Variants in MMS19 observed in about 807,000 individuals in gnomAD.
MMS19 encodes MMS19 nucleotide excision repair protein homolog.
In MMS19, 77 loss-of-function variants were observed where a neutral mutation model predicts 129.8. That is an observed-to-expected ratio of 0.59 (90% CI 0.49 to 0.72). The LOEUF is 0.72. MMS19 is among the 30% of genes least tolerant of loss of function. MMS19 has a pLI of 0.00. For missense variants in MMS19, 1,168 were observed against 1,266.3 expected (o/e 0.92, Z 1.18); for synonymous variants, 491 against 502.8 (o/e 0.98, Z 0.31).
chr10:97,476,944 A>G lies in MMS19; in HGVS notation c.513T>C (p.Ala171=). The G allele has an allele frequency of 1.9e-6, 3 of 1,613,870 alleles. No individual in the cohort carries two copies. The highest frequency in any genetic ancestry group is 2.5e-6 in the Non-Finnish European group (3 of 1,179,776). ...CCTGGATGAAGCCAAAGGTGAAGTC[A>G]GCTCCTAGGCTCTTTAGCTCTGGGA... ...TREEELKSLG[A]DFTFGFIQVM... Residue 171 remains alanine, a synonymous_variant, in exon 7 of 31, where the codon GCT becomes GCC. Transcript: ENST00000438925.
At chr10:97,497,778 C>G (rs556804029) in intron 1 of MMS19, among the ~76,000 whole-genome samples, 2 of 152,340 alleles carry the variant, frequency 1.3e-5, no homozygotes, top group East Asian at 3.9e-4. Context: ...CCTCCTGGCC[C>G]GTCTCCTCAA....
intron 1 of MMS19, among the ~76,000 whole-genome samples, chr10:97,495,914 T>C (rs1456226101): frequency 6.6e-6 from 1 of 152,214 alleles, no homozygotes; most frequent in East Asian, 1.9e-4. Flanking sequence ...CCTGAGTAGC[T>C]GGGATTACAG....
At chr10:97,485,473 T>C (rs547164978) in intron 1 of MMS19, among the ~76,000 whole-genome samples, 4 of 152,176 alleles carry the variant, frequency 2.6e-5, no homozygotes, top group Non-Finnish European at 5.9e-5. Flanking sequence ...CCACCACGCC[T>C]GGCTAATTTT....
chr10:97,460,507 G>C (rs2031486281), intron 25 of MMS19, among the ~76,000 whole-genome samples, 188 bp downstream of exon 25: 1 of 152,198 alleles, frequency 6.6e-6, no homozygotes, highest in African/African-American at 2.4e-5. Context: ...CGGAGGTTGA[G>C]GCTGGAGTGA....
chr10:97,462,236 G>GC, intron 20 of MMS19, 117 bp from the exon 21 acceptor site: 1 of 703,806 alleles, frequency 1.4e-6, no homozygotes, highest in South Asian at 1.7e-5. Context: ...AATGGGACAT[G>GC]CCCTGATCAT....
chr10:97,461,748 A>G, intron 22 of MMS19, 80 bp downstream of exon 22: 1 of 1,549,320 alleles, frequency 6.5e-7, no homozygotes, highest in Non-Finnish European at 8.8e-7. Flanking sequence ...GTAAAAGATC[A>G]GCTTAGCCTG....
At chr10:97,461,993 G>T in intron 21 of MMS19, 24 bp downstream of exon 21, 1 of 1,573,060 alleles carries the variant, frequency 6.4e-7, no homozygotes, top group Non-Finnish European at 8.6e-7. Flanking sequence ...CCAGCTTGAA[G>T]GATGTAAGTT....
chr10:97,481,412 G>T (rs1440212058), intron 2 of MMS19, among the ~76,000 whole-genome samples: 4 of 152,158 alleles, frequency 2.6e-5, no homozygotes, highest in Admixed American at 6.6e-5. Flanking sequence ...CTACCCACAG[G>T]GTTTGAGAGA....
rs1383317690 is a variant in MMS19, at chr10:97,459,018, G to A, written c.2965-118C>T. 1.5e-5 allele frequency: 16 copies of A among 1,099,096 alleles called. No homozygotes were observed. In the Middle Eastern group the frequency reaches 9.0e-4, roughly 62 times the overall value. The allele number at this position is 1,099,096 out of a possible 1,614,324, so 68.1% of individuals were successfully genotyped here. The stretch of plus-strand genomic sequence containing the variant: ...GCAAAACATCTTTAGTGATTCCAAG[G>A]GATGTTAAGTGGCAGGATGGCCTTT... On this transcript the variant is annotated intron_variant, in intron 29 of 30. Coordinates refer to ENST00000438925, the MANE Select transcript of MMS19 (RefSeq NM_022362.5).
intron 8 of MMS19, among the ~76,000 whole-genome samples, chr10:97,472,193 C>T (rs1159568713): frequency 6.6e-6 from 1 of 152,156 alleles, no homozygotes; most frequent in East Asian, 1.9e-4. Flanking sequence ...GTTTATGAAA[C>T]AGAAGAAATT....
chr10:97,477,632 T>G (rs1351537429), intron 5 of MMS19, among the ~76,000 whole-genome samples: 1 of 152,218 alleles, frequency 6.6e-6, no homozygotes, highest in Non-Finnish European at 1.5e-5. Flanking sequence ...GATGCCTTAC[T>G]TTCTGTAGGT....
Position 97,458,379 on chromosome 10 carries a change from C to G in MMS19, c.*313G>C, listed in dbSNP as rs991481050. On this transcript the variant is annotated 3_prime_UTR_variant, in exon 31 of 31. Coordinates refer to ENST00000438925, the MANE Select transcript of MMS19 (RefSeq NM_022362.5). Reference sequence around the variant, plus strand: ...GTAGACAACATCTGCCAGCCCTGGTCCTCAGGGCCACACTCATATGCACTC... The same window carrying G: ...GTAGACAACATCTGCCAGCCCTGGTGCTCAGGGCCACACTCATATGCACTC... 1.9e-4 allele frequency: 55 copies of G among 295,010 alleles called. No homozygotes were observed. The highest frequency in any genetic ancestry group is 8.9e-4 in the African/African-American group (41 of 46,228). The allele number at this position is 295,010 out of a possible 1,614,324, so 18.3% of individuals were successfully genotyped here. A position where few individuals can be genotyped will look rare whatever the true frequency, so the allele number is the denominator to read the frequency against.
chr10:97,469,538 A>G (rs1321866341), intron 11 of MMS19, 108 bp downstream of exon 11: 20 of 853,672 alleles, frequency 2.3e-5, no homozygotes, highest in Non-Finnish European at 3.6e-5. Context: ...ACCAGGCATT[A>G]TATCTTGGCC....
chr10:97,477,561 T>TCAATATCC, intron 5 of MMS19, 145 bp from the exon 6 acceptor site: 1 of 1,158,876 alleles, frequency 8.6e-7, no homozygotes, highest in Non-Finnish European at 1.2e-6. Flanking sequence ...AGAGAAAGGG[T>TCAATATCC]ATGGATATTG....
chr10:97,495,268 G>T (rs1365298723), intron 1 of MMS19, among the ~76,000 whole-genome samples: 1 of 152,228 alleles, frequency 6.6e-6, no homozygotes, highest in African/African-American at 2.4e-5. Flanking sequence ...GGCTTTGAAG[G>T]CTTGCCCAAG....
chr10:97,492,499 G>A (rs186633148), intron 1 of MMS19, among the ~76,000 whole-genome samples: 1 of 150,568 alleles, frequency 6.6e-6, no homozygotes, highest in Non-Finnish European at 1.5e-5. Context: ...AGAAAAGAAA[G>A]AAAAAATTAG....
chr10:97,477,560 G>T, intron 5 of MMS19, 144 bp from the exon 6 acceptor site: 2 of 1,167,184 alleles, frequency 1.7e-6, no homozygotes, highest in Admixed American at 2.4e-5. Flanking sequence ...CAGAGAAAGG[G>T]TATGGATATT....
intron 18 of MMS19, among the ~76,000 whole-genome samples, chr10:97,464,541 C>T (rs568695487): frequency 1.1e-4 from 16 of 152,266 alleles, no homozygotes; most frequent in African/African-American, 3.6e-4. Flanking sequence ...TGTCAAAATG[C>T]AGATTCTGAT....
rs2040222088 is a variant in MMS19, at chr10:97,498,422, T to A, written c.-38A>T. 1.9e-6 allele frequency: 3 copies of A among 1,566,794 alleles called. No homozygotes were observed. The highest frequency in any genetic ancestry group is 2.6e-6 in the Non-Finnish European group (3 of 1,165,000). ...AGACCGTGGGAGGGGATATGGGCGG[T>A]GGCTCGAGACGGGCTCTCCGCGCAT... On this transcript the variant is annotated 5_prime_UTR_variant, in exon 1 of 31. Coordinates refer to ENST00000438925, the MANE Select transcript of MMS19 (RefSeq NM_022362.5).
Sources: gnomAD v4.1 joint callset for allele counts (sites outside exome capture counted in the v4.1 genomes callset) on GRCh38, gnomAD v4.1.1 for gene constraint, MANE v1.5 for transcripts, NCBI Gene and HGNC (gene_info 2026-07-23, HGNC 2026-07-21) for gene names.